The following EHD4 variants were observed in gnomAD, a reference collection of about 807,000 sequenced individuals.
EHD4 encodes EH domain containing 4, also known as EH domain-containing protein 4.
In EHD4, 37 loss-of-function variants were observed where a neutral mutation model predicts 51.0. The observed-to-expected ratio is 0.73, with a 90% CI of 0.56 to 0.95. The LOEUF is 0.95. EHD4 is among the 40% of genes least tolerant of loss of function. The pLI, the probability that EHD4 is intolerant of heterozygous loss-of-function variation, is 0.00. For synonymous variants in EHD4, 297 were observed against 317.3 expected (o/e 0.94, Z 0.68); for missense variants, 632 against 733.1 (o/e 0.86, Z 1.59).
intron 3 of EHD4, chr15:41,941,951 C>T (rs1476637314): frequency 6.6e-6 from 1 of 152,264 alleles, no homozygotes; most frequent in East Asian, 1.9e-4. Context: ...CTGGCATGCC[C>T]AGACTTCTCA....
rs184267757 is a variant in EHD4, at chr15:41,898,020, G to A, written c.*2625C>T. ...TCACAGAACTTTGTACTGGTCCTGG[G>A]AAGATACAAGTCCTCACTTGGTCGC... is the stretch of plus-strand genomic sequence containing the variant. On this transcript the variant is annotated 3_prime_UTR_variant, in exon 6 of 6. Transcript: ENST00000220325. The A allele has an allele frequency of 6.6e-6, 1 of 152,348 alleles. No individual in the cohort carries two copies. The highest frequency in any genetic ancestry group is 2.4e-5 in the African/African-American group (1 of 41,568). The allele number at this position is 152,348 out of a possible 1,614,324, so 9.4% of individuals were successfully genotyped here.
intron 2 of EHD4, 68 bp downstream of exon 2, chr15:41,953,696 T>C (rs1438921281): frequency 6.7e-7 from 1 of 1,483,916 alleles, no homozygotes; most frequent in Non-Finnish European, 9.0e-7. Flanking sequence ...CCTTTATATG[T>C]AACTGGCAGT....
chr15:41,917,727 C>A (rs2067594387), intron 4 of EHD4, among the ~76,000 whole-genome samples: 1 of 152,188 alleles, frequency 6.6e-6, no homozygotes, highest in South Asian at 2.1e-4. Context: ...AGGGCAAAAT[C>A]ATTTCAGGAG....
intron 2 of EHD4, among the ~76,000 whole-genome samples, chr15:41,951,255 A>G (rs1013706934): frequency 2.0e-5 from 3 of 152,232 alleles, no homozygotes; most frequent in Non-Finnish European, 4.4e-5. Flanking sequence ...ACACAAGTCT[A>G]GAACAGAATC....
intron 2 of EHD4, among the ~76,000 whole-genome samples, chr15:41,951,351 C>T (rs376124424): frequency 3.3e-5 from 5 of 152,280 alleles, no homozygotes; most frequent in African/African-American, 9.6e-5. Context: ...TATTATAAGG[C>T]ATGGATTATT....
intron 3 of EHD4, among the ~76,000 whole-genome samples, chr15:41,936,204 AG>A (rs1162898806): frequency 2.0e-5 from 3 of 152,238 alleles, no homozygotes; most frequent in Non-Finnish European, 4.4e-5. Context: ...AGACTCATGA[AG>A]AGAAGACTCC....
At chr15:41,932,676 C>T (rs58367666) in intron 3 of EHD4, among the ~76,000 whole-genome samples, 4,466 of 152,262 alleles carry the variant, frequency 0.029, 222 homozygotes, top group African/African-American at 0.1. Context: ...CAGCCACACC[C>T]GGGAACACTG....
intron 2 of EHD4, among the ~76,000 whole-genome samples, chr15:41,947,505 A>G (rs1332954459): frequency 2.6e-5 from 4 of 152,340 alleles, no homozygotes; most frequent in Non-Finnish European, 4.4e-5. Context: ...ATTGTTTCAA[A>G]GTACTTCTTT....
At chr15:41,930,092 C>T (rs1434314861) in intron 3 of EHD4, among the ~76,000 whole-genome samples, 1 of 152,168 alleles carries the variant, frequency 6.6e-6, no homozygotes, top group African/African-American at 2.4e-5. Context: ...CAAAGTTTAA[C>T]TTATTGTCAT....
chr15:41,930,967 G>T (rs2067694141), intron 3 of EHD4, among the ~76,000 whole-genome samples: 1 of 152,170 alleles, frequency 6.6e-6, no homozygotes, highest in South Asian at 2.1e-4. Context: ...CTAACCATGA[G>T]GAATGAAAAT....
In EHD4 at chr15:41,899,021, C is replaced by T. The variant is rs918714569; in HGVS notation, c.*1624G>A. 6.6e-6 allele frequency: 1 copy of T among 152,020 alleles called. No homozygotes were observed. Among genetic ancestry groups the T allele is most frequent in the African/African-American group, 2.4e-5 (1 of 41,360 alleles). 9.4% of individuals were successfully genotyped at this position (152,020 alleles called of 1,614,324 possible). A position where few individuals can be genotyped will look rare whatever the true frequency, so the allele number is the denominator to read the frequency against. On this transcript the variant is annotated 3_prime_UTR_variant, in exon 6 of 6. Transcript: ENST00000220325. ...AATGCTTCTCCCAAATCAAGATTTT[C>T]TCTTCAATCTGTGCCTTTGACCCTG... is the stretch of plus-strand genomic sequence containing the variant.
intron 3 of EHD4, among the ~76,000 whole-genome samples, chr15:41,930,255 A>G (rs944365886): frequency 1.3e-5 from 2 of 152,236 alleles, no homozygotes; most frequent in Admixed American, 6.5e-5. Flanking sequence ...TGTCACGCAC[A>G]TGGAAATTGT....
chr15:41,943,692 A>T (rs2067792507), intron 2 of EHD4, among the ~76,000 whole-genome samples: 1 of 152,202 alleles, frequency 6.6e-6, no homozygotes, highest in Non-Finnish European at 1.5e-5. Flanking sequence ...CCCCCTGGGA[A>T]TCCCATGCCT....
intron 4 of EHD4, 108 bp downstream of exon 4, chr15:41,919,102 A>T: frequency 6.9e-7 from 1 of 1,443,492 alleles, no homozygotes; most frequent in Non-Finnish European, 9.5e-7. Flanking sequence ...GCGCATGTTC[A>T]TTCCTTAAGC....
chr15:41,902,744 T>TAC (rs1469466738), intron 5 of EHD4, among the ~76,000 whole-genome samples: 97 of 150,906 alleles, frequency 6.4e-4, no homozygotes, highest in African/African-American at 2.2e-3. Context: ...TATATATATA[T>TAC]ACATATGTAT....
intron 3 of EHD4, chr15:41,941,901 T>C (rs1204337077): frequency 6.6e-6 from 1 of 152,246 alleles, no homozygotes; most frequent in Non-Finnish European, 1.5e-5. Context: ...TGCCTTGTCA[T>C]AACCTGCGAC....
chr15:41,957,605 G>A (rs1360720585), intron 1 of EHD4, among the ~76,000 whole-genome samples: 2 of 152,188 alleles, frequency 1.3e-5, no homozygotes, highest in Non-Finnish European at 2.9e-5. Context: ...GCAGGATCCA[G>A]AACCTGCAGC....
At chr15:41,919,688 AG>A (rs2067611518) in intron 3 of EHD4, 66 bp from the exon 4 acceptor site, 8 of 1,435,598 alleles carry the variant, frequency 5.6e-6, no homozygotes, top group Non-Finnish European at 7.3e-6. Context: ...TGGGCGGCTC[AG>A]GAACAGTCTC....
At chr15:41,935,393 A>AG (rs900386359) in intron 3 of EHD4, among the ~76,000 whole-genome samples, 2 of 152,182 alleles carry the variant, frequency 1.3e-5, no homozygotes, top group Non-Finnish European at 2.9e-5. Context: ...GAAATTGACC[A>AG]GGGGGCACAG....
Sources: allele counts gnomAD v4.1 joint callset (sites outside exome capture counted in the v4.1 genomes callset), GRCh38; gene constraint gnomAD v4.1.1; transcripts MANE v1.5; gene names NCBI Gene and HGNC (gene_info 2026-07-23, HGNC 2026-07-21).